MSH3: variants seen among roughly 807,000 people sequenced by gnomAD.
The protein encoded by MSH3 is DNA mismatch repair protein Msh3.
Under a neutral mutation model 123.3 loss-of-function variants are expected in MSH3, and 106 were observed. The ratio of observed to expected loss-of-function variants is 0.86; its 90% CI spans 0.73 to 1.01. The LOEUF is 1.01. Among genes scored for constraint, MSH3 ranks in the 50% least tolerant of loss-of-function variants. MSH3 has a pLI of 0.00. For synonymous variants in MSH3, 515 were observed against 481.4 expected, an observed-to-expected ratio of 1.07 and a Z score of -0.91; for missense variants, 1,459 against 1,347.6, an observed-to-expected ratio of 1.08 and a Z score of -1.29.
chr5:80,670,041 G>C lies in MSH3; in HGVS notation c.580-56G>C, dbSNP rs1372846155. 4.6e-6 allele frequency: 7 copies of C among 1,528,606 alleles called. No homozygotes were observed. In the East Asian group the frequency reaches 1.6e-4, roughly 35 times the overall value. The allele number at this position is 1,528,606 out of a possible 1,614,324, so 94.7% of individuals were successfully genotyped here. ...GCCAGATTTGCATTTTCCGTCTCTG[G>C]GAACTTATTATTGTGGTTAATATTT... On this transcript the variant is annotated intron_variant, in intron 3 of 23. Coordinates refer to ENST00000265081, the MANE Select transcript of MSH3 (RefSeq NM_002439.5).
chr5:80,768,131 G>A lies in MSH3; in HGVS notation c.2084+11G>A, dbSNP rs763130107. ...TGAACAAGCTGCCAAGTAAGTACCAGACCCTGAATTCTTCCTTTTCACCAG... is the reference window on the plus strand; with the variant it reads ...TGAACAAGCTGCCAAGTAAGTACCAAACCCTGAATTCTTCCTTTTCACCAG... On this transcript the variant is annotated intron_variant, in intron 14 of 23. Transcript: ENST00000265081. 1.2e-5 allele frequency: 20 copies of A among 1,611,016 alleles called. No homozygotes were observed. In the South Asian group the frequency reaches 2.0e-4, roughly 16 times the overall value.
intron 5 of MSH3, among the ~76,000 whole-genome samples, 179 bp from the exon 6 acceptor site, chr5:80,672,562 C>T (rs777760966): frequency 2.0e-5 from 3 of 152,152 alleles, no homozygotes; most frequent in Non-Finnish European, 2.9e-5. Context: ...AATTTTTAAA[C>T]TCTATGATAG....
intron 12 of MSH3, 89 bp from the exon 13 acceptor site, chr5:80,761,457 T>G: frequency 6.7e-7 from 1 of 1,481,816 alleles, no homozygotes; most frequent in South Asian, 1.1e-5. Context: ...AATAAGTGGC[T>G]GTGTCACATT....
intron 18 of MSH3, among the ~76,000 whole-genome samples, chr5:80,789,410 G>T (rs1744570431): frequency 6.7e-6 from 1 of 149,808 alleles, no homozygotes; most frequent in African/African-American, 2.5e-5. Flanking sequence ...TCACTCTGTG[G>T]CCCAGGCTGG....
chr5:80,845,405 C>T lies in MSH3; in HGVS notation c.2814-8725C>T, dbSNP rs568032336. 2.6e-5 allele frequency among the ~76,000 whole-genome samples: 4 copies of T among 152,214 alleles called. No homozygotes were observed. In the South Asian group the frequency reaches 8.3e-4, roughly 32 times the overall value. The stretch of plus-strand genomic sequence containing the variant: ...TGGAGTTGCTCTTCTCGAGGAGTAT[C>T]TTTGTGGTGTTCTCTGTATTTCCTG... On this transcript the variant is annotated intron_variant, in intron 20 of 23. Transcript: ENST00000265081.
At chr5:80,851,262 T>C (rs530087991) in intron 20 of MSH3, among the ~76,000 whole-genome samples, 23 of 152,288 alleles carry the variant, frequency 1.5e-4, no homozygotes, top group African/African-American at 5.5e-4. Context: ...CTAATAGACA[T>C]TGCTAAATTG....
chr5:80,822,239 A>G (rs145858375), intron 20 of MSH3, among the ~76,000 whole-genome samples: 1 of 152,248 alleles, frequency 6.6e-6, no homozygotes, highest in Non-Finnish European at 1.5e-5. Flanking sequence ...AGAATCAGAC[A>G]TGTTATACTT....
At chr5:80,666,290 TA>T (rs1029925611) in intron 3 of MSH3, among the ~76,000 whole-genome samples, 14 of 152,168 alleles carry the variant, frequency 9.2e-5, no homozygotes, top group African/African-American at 3.4e-4. Context: ...TGTGTGTATG[TA>T]TATATATGAG....
intron 20 of MSH3, among the ~76,000 whole-genome samples, chr5:80,817,727 T>C (rs1444062629): frequency 3.3e-5 from 5 of 152,120 alleles, no homozygotes; most frequent in Non-Finnish European, 5.9e-5. Context: ...AGTTTCTCTT[T>C]ATAGAAATGT....
At chr5:80,856,536 A>C (rs1322627696) in intron 21 of MSH3, among the ~76,000 whole-genome samples, 1 of 113,248 alleles carries the variant, frequency 8.8e-6, no homozygotes, top group Admixed American at 1.2e-4. Flanking sequence ...GAACATCACA[A>C]ACTGGGGCCT....
intron 17 of MSH3, among the ~76,000 whole-genome samples, chr5:80,786,447 A>C (rs1744510576): frequency 2.0e-5 from 3 of 152,132 alleles, no homozygotes; most frequent in Non-Finnish European, 4.4e-5. Context: ...TTTTCCTTTC[A>C]GCTTTCCTTT....
At chr5:80,751,213 C>G (rs925058152) in intron 12 of MSH3, among the ~76,000 whole-genome samples, 18 of 152,104 alleles carry the variant, frequency 1.2e-4, no homozygotes, top group African/African-American at 4.1e-4. Context: ...GATAAGATAT[C>G]AGTTTGAAAA....
At chr5:80,805,758 A>G (rs1744879018) in intron 19 of MSH3, among the ~76,000 whole-genome samples, 1 of 151,678 alleles carries the variant, frequency 6.6e-6, no homozygotes, top group Non-Finnish European at 1.5e-5. Flanking sequence ...CCACGAGCTC[A>G]TTATTGTATT....
intron 19 of MSH3, among the ~76,000 whole-genome samples, chr5:80,800,598 C>T (rs921042608): frequency 3.3e-5 from 5 of 152,082 alleles, no homozygotes; most frequent in East Asian, 1.9e-4. Context: ...TCTTGGGAAC[C>T]GTGGAAACAA....
At chr5:80,696,585 C>T (rs1397050105) in intron 8 of MSH3, among the ~76,000 whole-genome samples, 3 of 152,162 alleles carry the variant, frequency 2.0e-5, no homozygotes, top group African/African-American at 7.2e-5. Flanking sequence ...TACTGTTCCT[C>T]ACATCCCAAG....
intron 21 of MSH3, among the ~76,000 whole-genome samples, chr5:80,856,285 T>G (rs1745917882): frequency 6.6e-6 from 1 of 151,958 alleles, no homozygotes; most frequent in African/African-American, 2.4e-5. Context: ...AACATTTTGT[T>G]TTTTTTAAGG....
Position 80,694,473 on chromosome 5 carries a change from T to G in MSH3, c.1340+15380T>G, listed in dbSNP as rs531804274. ...AATATAATTACCTTAAATATTATAA[T>G]TGTCTTAAATATTTAGAAAGCGTTA... On this transcript the variant is annotated intron_variant, in intron 8 of 23. Transcript: ENST00000265081. 3.3e-5 allele frequency among the ~76,000 whole-genome samples: 5 copies of G among 152,262 alleles called. No homozygotes were observed. In the East Asian group the frequency reaches 5.8e-4, roughly 18 times the overall value.
chr5:80,848,947 G>C (rs372582080), intron 20 of MSH3, among the ~76,000 whole-genome samples: 2 of 152,134 alleles, frequency 1.3e-5, no homozygotes, highest in African/African-American at 4.8e-5. Flanking sequence ...CCAGGACAAG[G>C]CAAGTCCCTT....
chr5:80,691,386 G>C (rs890242659), intron 8 of MSH3, among the ~76,000 whole-genome samples: 4 of 151,598 alleles, frequency 2.6e-5, no homozygotes, highest in Non-Finnish European at 5.9e-5. Flanking sequence ...TTACCAAAAA[G>C]AAAATAAGGT....
Sources: gnomAD v4.1 joint callset for allele counts (sites outside exome capture counted in the v4.1 genomes callset) on GRCh38, gnomAD v4.1.1 for gene constraint, MANE v1.5 for transcripts, NCBI Gene and HGNC (gene_info 2026-07-23, HGNC 2026-07-21) for gene names.